HHAT: variants seen among roughly 807,000 people sequenced by gnomAD.
HHAT encodes the protein hedgehog acyltransferase.
A neutral mutation model predicts 70.8 loss-of-function variants in HHAT; 47 were observed. The observed-to-expected ratio is 0.66, with a 90% confidence interval of 0.53 to 0.85. HHAT has a LOEUF of 0.85. HHAT is among the 40% of genes least tolerant of loss of function. The pLI is 0.00. For synonymous variants in HHAT, 228 were observed against 247.6 expected (o/e 0.92, Z 0.74); for missense variants, 609 against 604.8 (o/e 1.01, Z -0.07).
rs200791411 is a variant in HHAT at position 210,362,256 on chromosome 1, CTTTTT to C, written c.92-594_92-590del. Among the ~76,000 whole-genome samples, 1,101 of 114,440 alleles carry C rather than the reference CTTTTT, an allele frequency of 9.6e-3. 20 individuals carry two copies. Among genetic ancestry groups the C allele is most frequent in the African/African-American group, 0.032 (1,058 of 32,626 alleles). 75.1% of individuals were successfully genotyped at this position (114,440 alleles called of 152,430 possible). On this transcript the variant is annotated intron_variant, in intron 2 of 11. Transcript: ENST00000261458. ...AATTTCTTTTTTTTTTTTTTCTTTT[CTTTTT>C]TGAGATGGAGTCTTGCTCTTGTTGC...
At chr1:210,372,783 T>TTG (rs1558378334) in intron 3 of HHAT, among the ~76,000 whole-genome samples, 1 of 150,522 alleles carries the variant, frequency 6.6e-6, no homozygotes, top group Non-Finnish European at 1.5e-5. Context: ...GGGAGGTGTT[T>TTG]TTTTTTTTTT....
chr1:210,592,290 G>A (rs1210987004), intron 10 of HHAT, among the ~76,000 whole-genome samples: 2 of 151,868 alleles, frequency 1.3e-5, no homozygotes, highest in East Asian at 3.9e-4. Flanking sequence ...TGAAGAGATT[G>A]TCTTTCCCCC....
At chr1:210,496,010 C>CAAAAAAAAAAAAAAA (rs10639399) in intron 8 of HHAT, among the ~76,000 whole-genome samples, 13 of 67,940 alleles carry the variant, frequency 1.9e-4, no homozygotes, top group African/African-American at 2.7e-4. Context: ...AACTCTATCT[C>CAAAAAAAAAAAAAAA]AAAAAAAAAA....
intron 7 of HHAT, among the ~76,000 whole-genome samples, chr1:210,425,302 G>C (rs528991063): frequency 6.6e-6 from 1 of 152,212 alleles, no homozygotes; most frequent in African/African-American, 2.4e-5. Context: ...TAGGTTGTCT[G>C]TTTACTCTGT....
chr1:210,573,863 C>G (rs74932172), intron 9 of HHAT, among the ~76,000 whole-genome samples: 1,896 of 152,230 alleles, frequency 0.012, 35 homozygotes, highest in African/African-American at 0.042. Context: ...GGAGAATCAT[C>G]TTTTGTTTAC....
In HHAT at chr1:210,587,991, T is replaced by C. The variant is rs1558222322; in HGVS notation, c.1137T>C (p.His379=). ...CATTTGCATTTGTGAGCTACTGGCA[T>C]GGCGGCTACGACTACCTCTGGTGCT... The part of the protein sequence containing the change: ...AMTFAFVSYW[H]GGYDYLWCWA... Residue 379 remains histidine, a synonymous_variant, in exon 10 of 12, where the codon CAT becomes CAC. Transcript: ENST00000261458. 1.2e-6 allele frequency: 2 copies of C among 1,614,134 alleles called. No individual in the cohort carries two copies.
intron 3 of HHAT, among the ~76,000 whole-genome samples, chr1:210,363,718 T>C (rs1192480949): frequency 6.6e-6 from 1 of 152,184 alleles, no homozygotes; most frequent in Non-Finnish European, 1.5e-5. Flanking sequence ...TGTATATTTG[T>C]TTTCTAAGTA....
At chr1:210,461,902 G>T (rs887820372) in intron 7 of HHAT, among the ~76,000 whole-genome samples, 1 of 151,916 alleles carries the variant, frequency 6.6e-6, no homozygotes, top group Non-Finnish European at 1.5e-5. Flanking sequence ...TCACATAGTG[G>T]TTTAAAAAAA....
intron 8 of HHAT, among the ~76,000 whole-genome samples, chr1:210,507,374 T>TC (rs1310383423): frequency 2.0e-5 from 3 of 149,788 alleles, no homozygotes; most frequent in African/African-American, 7.3e-5. Flanking sequence ...TTTTTTTTTT[T>TC]TTTTGAGACG....
chr1:210,378,675 T>TG (rs2090411491), intron 3 of HHAT, among the ~76,000 whole-genome samples: 1 of 152,188 alleles, frequency 6.6e-6, no homozygotes, highest in Non-Finnish European at 1.5e-5. Flanking sequence ...CTTTTTTTTT[T>TG]GTATAGAGAA....
chr1:210,340,236 G>C, intron 1 of HHAT, among the ~76,000 whole-genome samples: 1 of 67,572 alleles, frequency 1.5e-5, no homozygotes, highest in African/African-American at 6.3e-5. Context: ...GCAAGACTCT[G>C]TCTCAGAAAA....
At chr1:210,596,835 G>A (rs1259567474) in intron 10 of HHAT, among the ~76,000 whole-genome samples, 2 of 151,996 alleles carry the variant, frequency 1.3e-5, no homozygotes, top group Non-Finnish European at 2.9e-5. Context: ...TCTTTAGTTC[G>A]TTCACTGAGG....
intron 8 of HHAT, among the ~76,000 whole-genome samples, chr1:210,499,644 C>CAA (rs5780584): frequency 7.4e-4 from 110 of 148,646 alleles, no homozygotes; most frequent in East Asian, 3.9e-3. Context: ...CTTTCTCTCT[C>CAA]AAAAAAAAAA....
rs1454483421 is a variant in HHAT at position 210,585,968 on chromosome 1, A to G, written c.1044-1930A>G. 2.6e-5 allele frequency among the ~76,000 whole-genome samples: 4 copies of G among 152,308 alleles called. No homozygotes were observed. In the East Asian group the frequency reaches 5.8e-4, roughly 22 times the overall value. The stretch of plus-strand genomic sequence containing the variant: ...TGGGGGGTTCGTTCTAAACTGACTT[A>G]GCAGGATTCTTGCTACAATAAAGAT... On this transcript the variant is annotated intron_variant, in intron 9 of 11. Transcript: ENST00000261458.
chr1:210,482,017 G>A (rs1015345587), intron 8 of HHAT, among the ~76,000 whole-genome samples: 1 of 152,156 alleles, frequency 6.6e-6, no homozygotes, highest in Admixed American at 6.6e-5. Flanking sequence ...CGAGGGTGGG[G>A]GAGTGGACTT....
intron 11 of HHAT, among the ~76,000 whole-genome samples, chr1:210,634,162 A>G (rs1174723911): frequency 6.6e-6 from 1 of 152,198 alleles, no homozygotes; most frequent in Non-Finnish European, 1.5e-5. Context: ...GTTTACTTGT[A>G]ACCTGTGGCT....
At chr1:210,412,538 G>GGT (rs1369458696) in intron 6 of HHAT, among the ~76,000 whole-genome samples, 2 of 152,146 alleles carry the variant, frequency 1.3e-5, no homozygotes, top group African/African-American at 4.8e-5. Context: ...AATTCCAAAA[G>GGT]GTAGAAATTG....
intron 2 of HHAT, among the ~76,000 whole-genome samples, chr1:210,349,719 C>T (rs959973263): frequency 6.7e-6 from 1 of 150,326 alleles, no homozygotes; most frequent in Admixed American, 6.7e-5. Context: ...GGTACCATCT[C>T]GGCTCACTGC....
At chr1:210,335,423 C>T (rs1328586919) in intron 1 of HHAT, among the ~76,000 whole-genome samples, 3 of 151,824 alleles carry the variant, frequency 2.0e-5, no homozygotes, top group Non-Finnish European at 4.4e-5. Flanking sequence ...CGGGCCAATC[C>T]CAATCAAAAT....
Sources: gnomAD v4.1 joint callset for allele counts (sites outside exome capture counted in the v4.1 genomes callset) on GRCh38, gnomAD v4.1.1 for gene constraint, MANE v1.5 for transcripts, NCBI Gene and HGNC (gene_info 2026-07-23, HGNC 2026-07-21) for gene names.